The following LPP variants were observed in gnomAD, a reference collection of about 807,000 sequenced individuals.
The protein encoded by LPP is lipoma-preferred partner.
Under a neutral mutation model 60.4 loss-of-function variants are expected in LPP, and 38 were observed. That is an observed-to-expected ratio of 0.63 (90% CI 0.49 to 0.83). LPP has a LOEUF of 0.83. LPP is among the 40% of genes least tolerant of loss of function. The pLI is 0.00. For missense variants in LPP, 902 were observed against 783.6 expected (o/e 1.15, Z -1.80); for synonymous variants, 328 against 290.8 (o/e 1.13, Z -1.30).
chr3:188,370,129 T>G (rs1158688414), intron 3 of LPP, among the ~76,000 whole-genome samples: 3 of 152,102 alleles, frequency 2.0e-5, no homozygotes, highest in Admixed American at 6.6e-5. Flanking sequence ...GGTTTTACCG[T>G]CTTGGTATGA....
intron 2 of LPP, among the ~76,000 whole-genome samples, chr3:188,289,779 C>T (rs888396024): frequency 1.3e-5 from 2 of 152,164 alleles, no homozygotes; most frequent in African/African-American, 4.8e-5. Flanking sequence ...TGAAATCAGA[C>T]AGGTGTTCAA....
chr3:188,341,749 T>C, intron 3 of LPP, 30 bp downstream of exon 3: 2 of 913,082 alleles, frequency 2.2e-6, no homozygotes, highest in Non-Finnish European at 2.6e-6. Context: ...TTCTTGTTTA[T>C]GAAATACTAA....
intron 7 of LPP, among the ~76,000 whole-genome samples, chr3:188,667,154 A>G (rs6772417): frequency 0.032 from 4,902 of 152,278 alleles, 266 homozygotes; most frequent in African/African-American, 0.11. Flanking sequence ...AGTCTCAGGC[A>G]CAAGGTGGAA....
chr3:188,154,216 C>A lies in LPP; in HGVS notation c.-226C>A, dbSNP rs1196557344. Among the ~76,000 whole-genome samples, 3 of 151,924 alleles carry A rather than the reference C, an allele frequency of 2.0e-5. No homozygotes were observed. The highest frequency in any genetic ancestry group is 7.2e-5 in the African/African-American group (3 of 41,396). On this transcript the variant is annotated 5_prime_UTR_variant, in exon 1 of 12. Transcript: ENST00000617246. Reference sequence around the variant, plus strand: ...GCCGCCGCCGCCGCCGCCGCCGCCACCACCACCGCCGCTGCCCCGGCTGCC... The same window carrying A: ...GCCGCCGCCGCCGCCGCCGCCGCCAACACCACCGCCGCTGCCCCGGCTGCC...
At chr3:188,228,820 C>G (rs900804601) in intron 2 of LPP, among the ~76,000 whole-genome samples, 1 of 152,152 alleles carries the variant, frequency 6.6e-6, no homozygotes, top group Non-Finnish European at 1.5e-5. Context: ...TAATCATTGC[C>G]CTGCCTACCT....
At chr3:188,384,372 G>A (rs1777661479) in intron 3 of LPP, among the ~76,000 whole-genome samples, 1 of 147,402 alleles carries the variant, frequency 6.8e-6, no homozygotes, top group South Asian at 2.2e-4. Flanking sequence ...CTACATACAT[G>A]TGTACACACC....
chr3:188,319,227 T>C (rs1427772387), intron 2 of LPP, among the ~76,000 whole-genome samples: 2 of 152,182 alleles, frequency 1.3e-5, no homozygotes, highest in African/African-American at 2.4e-5. Context: ...AGACTTTCTT[T>C]CAGTAAAACA....
chr3:188,387,490 A>T (rs572914672), intron 3 of LPP, among the ~76,000 whole-genome samples: 1 of 151,900 alleles, frequency 6.6e-6, no homozygotes, highest in Non-Finnish European at 1.5e-5. Flanking sequence ...ATTAACATTT[A>T]TGCATAAATG....
chr3:188,482,569 C>T (rs928398699), intron 4 of LPP, among the ~76,000 whole-genome samples: 2 of 151,402 alleles, frequency 1.3e-5, no homozygotes, highest in African/African-American at 4.8e-5. Context: ...CTGACCCCCT[C>T]ACTCCCTGTC....
intron 1 of LPP, among the ~76,000 whole-genome samples, chr3:188,206,480 T>C (rs1733255775): frequency 6.6e-6 from 1 of 152,344 alleles, no homozygotes; most frequent in African/African-American, 2.4e-5. Flanking sequence ...TAAGTATATA[T>C]AACTCTTGAG....
intron 8 of LPP, among the ~76,000 whole-genome samples, chr3:188,754,123 G>A: frequency 6.6e-6 from 1 of 152,304 alleles, no homozygotes; most frequent in South Asian, 2.1e-4. Flanking sequence ...GACATTCTTT[G>A]TGGATTCTAT....
chr3:188,207,211 T>C (rs1311620175), intron 1 of LPP, among the ~76,000 whole-genome samples: 2 of 131,600 alleles, frequency 1.5e-5, no homozygotes, highest in Non-Finnish European at 1.8e-5. Flanking sequence ...CTACACATTT[T>C]CTTTTTTTTT....
In LPP at chr3:188,714,972, A is replaced by C. The variant is rs112018911; in HGVS notation, c.1240+6579A>C. Among the ~76,000 whole-genome samples, 429 of 152,324 alleles carry C rather than the reference A, an allele frequency of 2.8e-3. 4 individuals are homozygous for C. Among genetic ancestry groups the C allele is most frequent in the African/African-American group, 9.6e-3 (400 of 41,584 alleles). ...TCAATAAACCAGACAGTGAGTGTTTAGCCCAGCTCATCTACAGGAAGCCTT... is the reference window on the plus strand; with the variant it reads ...TCAATAAACCAGACAGTGAGTGTTTCGCCCAGCTCATCTACAGGAAGCCTT... On this transcript the variant is annotated intron_variant, in intron 8 of 11. Coordinates refer to ENST00000617246, the MANE Select transcript of LPP (RefSeq NM_001375462.1).
chr3:188,229,367 G>C (rs1161892725), intron 2 of LPP, among the ~76,000 whole-genome samples: 1 of 152,126 alleles, frequency 6.6e-6, no homozygotes, highest in Non-Finnish European at 1.5e-5. Flanking sequence ...GTTTACAATT[G>C]CCGACTGTCG....
At chr3:188,440,363 G>A (rs932025908) in intron 4 of LPP, among the ~76,000 whole-genome samples, 1 of 151,912 alleles carries the variant, frequency 6.6e-6, no homozygotes, top group Admixed American at 6.6e-5. Context: ...TTTTTTTTTA[G>A]TAGTGACTAG....
At chr3:188,718,686 C>T (rs893571847) in intron 8 of LPP, among the ~76,000 whole-genome samples, 5 of 152,044 alleles carry the variant, frequency 3.3e-5, no homozygotes, top group Non-Finnish European at 5.9e-5. Context: ...CCTGGCACAT[C>T]GGAGATATTT....
intron 1 of LPP, among the ~76,000 whole-genome samples, chr3:188,165,371 T>C (rs1719627591): frequency 6.6e-6 from 1 of 152,032 alleles, no homozygotes; most frequent in Non-Finnish European, 1.5e-5. Flanking sequence ...TGATTGGGCA[T>C]TGAAGGGTAA....
chr3:188,831,721 G>A (rs954985645), intron 9 of LPP, among the ~76,000 whole-genome samples: 1 of 152,130 alleles, frequency 6.6e-6, no homozygotes, highest in Non-Finnish European at 1.5e-5. Flanking sequence ...ACTTGTGCAG[G>A]ATCACACAGT....
At chr3:188,447,477 G>A (rs767198191) in intron 4 of LPP, among the ~76,000 whole-genome samples, 36 of 152,174 alleles carry the variant, frequency 2.4e-4, no homozygotes, top group East Asian at 7.8e-4. Flanking sequence ...AGGCATGGTG[G>A]CAGGTGCCTG....
Sources: gnomAD v4.1 joint callset for allele counts (sites outside exome capture counted in the v4.1 genomes callset) on GRCh38, gnomAD v4.1.1 for gene constraint, MANE v1.5 for transcripts, NCBI Gene and HGNC (gene_info 2026-07-23, HGNC 2026-07-21) for gene names.